Variants in RBFOX1 observed in about 807,000 individuals in gnomAD.
RBFOX1 encodes the protein RNA binding fox-1 homolog 1.
In RBFOX1, 8 loss-of-function variants were observed where a neutral mutation model predicts 57.7. That is an observed-to-expected ratio of 0.14 (90% confidence interval 0.08 to 0.25). The LOEUF is 0.25. Among genes scored for constraint, RBFOX1 ranks in the 10% least tolerant of loss-of-function variants. The pLI is 1.00. For synonymous variants in RBFOX1, 326 were observed against 222.4 expected (o/e 1.47, Z -4.15); for missense variants, 611 against 548.5 (o/e 1.11, Z -1.14).
intron 1 of RBFOX1, among the ~76,000 whole-genome samples, chr16:6,085,063 C>G (rs1294021325): frequency 6.6e-6 from 1 of 152,162 alleles, no homozygotes; most frequent in Non-Finnish European, 1.5e-5. Context: ...ATTCACTCAT[C>G]CAAAGCTGTC....
At chr16:5,722,558 C>A (rs866768242) in intron 3 of RBFOX1, among the ~76,000 whole-genome samples, 1 of 152,094 alleles carries the variant, frequency 6.6e-6, no homozygotes, top group Non-Finnish European at 1.5e-5. Flanking sequence ...CCTGTATTGA[C>A]CCTCAGTTTG....
intron 1 of RBFOX1, among the ~76,000 whole-genome samples, chr16:6,212,856 G>C (rs1409146980): frequency 6.6e-6 from 1 of 152,072 alleles, no homozygotes; most frequent in African/African-American, 2.4e-5. Context: ...CCTGAAAAAG[G>C]TAAGAAGAAG....
intron 4 of RBFOX1, among the ~76,000 whole-genome samples, chr16:7,294,550 G>A (rs991068508): frequency 1.3e-5 from 2 of 151,378 alleles, no homozygotes; most frequent in African/African-American, 2.4e-5. Context: ...GACTGAAGCA[G>A]AATATTTTCT....
chr16:7,359,392 G>T (rs1052579950), intron 4 of RBFOX1, among the ~76,000 whole-genome samples: 1 of 143,970 alleles, frequency 6.9e-6, no homozygotes, highest in African/African-American at 2.9e-5. Flanking sequence ...GTGTGCCTCT[G>T]TGTGTTTGTG....
At chr16:6,610,077 T>C (rs752996746) in intron 2 of RBFOX1, among the ~76,000 whole-genome samples, 5 of 151,378 alleles carry the variant, frequency 3.3e-5, no homozygotes, top group African/African-American at 7.3e-5. Context: ...TGGGGGAAAA[T>C]GGCCAGACAG....
chr16:7,105,737 T>C (rs951607998), intron 4 of RBFOX1, among the ~76,000 whole-genome samples: 1 of 151,650 alleles, frequency 6.6e-6, no homozygotes, highest in African/African-American at 2.4e-5. Context: ...GGTAGATATA[T>C]AGATTCAGTC....
intron 3 of RBFOX1, chr16:6,748,941 A>G (rs576195083): frequency 2.6e-5 from 4 of 152,298 alleles, no homozygotes; most frequent in South Asian, 2.1e-4. Flanking sequence ...TTGTCTAGCA[A>G]CCTTTCTGGT....
At chr16:7,384,255 CTT>C (rs550728699) in intron 4 of RBFOX1, among the ~76,000 whole-genome samples, 43 of 151,596 alleles carry the variant, frequency 2.8e-4, no homozygotes, top group Admixed American at 9.2e-4. Context: ...GAGTATGAAA[CTT>C]ATATATGAAA....
Position 6,775,473 on chromosome 16 carries a change from A to AT in RBFOX1, c.-16+120824dup, listed in dbSNP as rs1190059431. 3.9e-5 allele frequency among the ~76,000 whole-genome samples: 6 copies of AT among 152,012 alleles called. No individual in the cohort carries two copies. The East Asian group carries it at 5.8e-4, about 15-fold the overall frequency. ...TGCCTAATCCCAAAAAGAAAAAAAA[A>AT]TAGGTGATAAGATTAAAAATGAATC... is the stretch of plus-strand genomic sequence containing the variant. On this transcript the variant is annotated intron_variant, in intron 3 of 15. Transcript: ENST00000550418.
chr16:7,649,371 C>G (rs80062735), intron 11 of RBFOX1, among the ~76,000 whole-genome samples: 2,276 of 152,068 alleles, frequency 0.015, 58 homozygotes, highest in African/African-American at 0.052. Context: ...TATCAGGACA[C>G]TCCTAAAGTC....
At chr16:5,348,885 G>T (rs2065200727) in intron 1 of RBFOX1, among the ~76,000 whole-genome samples, 3 of 152,224 alleles carry the variant, frequency 2.0e-5, no homozygotes, top group Admixed American at 2.0e-4. Flanking sequence ...ACTTGGGCAT[G>T]CAGGCATCTC....
rs151258891 is a variant in RBFOX1 at position 6,147,023 on chromosome 16, T to A, written c.-127+127031T>A. Among the ~76,000 whole-genome samples, 694 of 152,252 alleles carry A rather than the reference T, an allele frequency of 4.6e-3. 11 individuals carry two copies. Among genetic ancestry groups the A allele is most frequent in the Non-Finnish European group, 5.2e-3 (356 of 68,014 alleles). The stretch of plus-strand genomic sequence containing the variant: ...ACCACCCCAAGGGCCATCTGTAGAC[T>A]CACTGCATCAGCATCGCCTTGGGAG... On this transcript the variant is annotated intron_variant, in intron 1 of 15. Transcript: ENST00000550418.
At position 7,610,059 on chromosome 16, in the gene RBFOX1, G is replaced by A. The variant is rs559108160; in HGVS notation, c.676+2721G>A. Among the ~76,000 whole-genome samples, 46 of 144,284 alleles carry A rather than the reference G, an allele frequency of 3.2e-4. 1 individual carries two copies. Among genetic ancestry groups the A allele is most frequent in the South Asian group, 1.3e-3 (6 of 4,556 alleles). 94.7% of individuals were successfully genotyped at this position (144,284 alleles called of 152,430 possible). On this transcript the variant is annotated intron_variant, in intron 10 of 15. Transcript: ENST00000550418. ...TCTCCATCTCCTGACCTCATGATCC[G>A]CCCTCCTCGGCCTCCTGAAGTGCTG...
chr16:7,327,787 G>C (rs560504169), intron 4 of RBFOX1, among the ~76,000 whole-genome samples: 1 of 149,630 alleles, frequency 6.7e-6, no homozygotes, highest in Non-Finnish European at 1.5e-5. Flanking sequence ...GATTTTATAT[G>C]AGATGCCCCC....
intron 1 of RBFOX1, among the ~76,000 whole-genome samples, chr16:6,238,611 A>G (rs2097523770): frequency 6.6e-6 from 1 of 152,194 alleles, no homozygotes; most frequent in Admixed American, 6.5e-5. Context: ...ATCAGTTGGG[A>G]ATGCATTAAA....
At chr16:6,770,761 G>C (rs895474809) in intron 3 of RBFOX1, among the ~76,000 whole-genome samples, 43 of 152,110 alleles carry the variant, frequency 2.8e-4, no homozygotes, top group African/African-American at 1.0e-3. Flanking sequence ...CATTCTTCTT[G>C]TCTCCCCAGT....
chr16:5,433,355 C>T (rs1278586115), intron 1 of RBFOX1, among the ~76,000 whole-genome samples: 5 of 152,206 alleles, frequency 3.3e-5, no homozygotes, highest in East Asian at 3.9e-4. Flanking sequence ...CTCCTCTTTT[C>T]GCTCCTGGCT....
In RBFOX1 at chr16:5,588,929, C is replaced by T. The variant is rs60126121; in HGVS notation, c.259-9973C>T. Among the ~76,000 whole-genome samples, 974 of 152,214 alleles carry T rather than the reference C, an allele frequency of 6.4e-3. 10 individuals carry two copies. The highest frequency in any genetic ancestry group is 0.022 in the African/African-American group (907 of 41,536). ...TGGATGCACAGGTGAGAATACAGGG[C>T]TGGCTTTTGCAGAAACAAAGAGTTG... On this transcript the variant is annotated intron_variant, in intron 2 of 2. Transcript: ENST00000585867.
At chr16:6,073,925 C>G (rs2095865235) in intron 1 of RBFOX1, among the ~76,000 whole-genome samples, 1 of 151,970 alleles carries the variant, frequency 6.6e-6, no homozygotes, top group South Asian at 2.1e-4. Context: ...CAGCATGATC[C>G]AGGAGCTCAC....
Sources: allele counts gnomAD v4.1 joint callset (sites outside exome capture counted in the v4.1 genomes callset), GRCh38; gene constraint gnomAD v4.1.1; transcripts MANE v1.5; gene names NCBI Gene and HGNC (gene_info 2026-07-23, HGNC 2026-07-21).